The following GPRC5D variants were observed in gnomAD, a reference collection of about 807,000 sequenced individuals.
GPRC5D encodes G protein-coupled receptor class C group 5 member D.
Under a neutral mutation model 29.3 loss-of-function variants are expected in GPRC5D, and 20 were observed. The observed-to-expected ratio is 0.68, with a 90% CI of 0.48 to 0.99. The LOEUF (loss-of-function observed/expected upper bound fraction) is 0.99. Among genes scored for constraint, GPRC5D ranks in the 50% least tolerant of loss-of-function variants. The probability of loss-of-function intolerance (pLI) is 0.00; values close to 1 mark genes in which losing one functional copy is unlikely to be tolerated. For missense variants in GPRC5D, 384 were observed against 423.6 expected (o/e 0.91, Z 0.82); for synonymous variants, 178 against 171.3 (o/e 1.04, Z -0.30).
At chr12:12,942,783 CTT>C (rs1863186985) in intron 1 of GPRC5D, among the ~76,000 whole-genome samples, 2 of 152,204 alleles carry the variant, frequency 1.3e-5, no homozygotes, top group East Asian at 1.9e-4. Flanking sequence ...TATTGAAAAA[CTT>C]TATGATTTAA....
At chr12:12,942,896 G>C (rs533405150) in intron 1 of GPRC5D, among the ~76,000 whole-genome samples, 5 of 152,314 alleles carry the variant, frequency 3.3e-5, no homozygotes, top group Admixed American at 3.3e-4. Flanking sequence ...GTCAGTTCTT[G>C]CTCTCTCAGT....
intron 2 of GPRC5D, among the ~76,000 whole-genome samples, chr12:12,941,199 C>T (rs917410963): frequency 3.3e-5 from 5 of 152,216 alleles, no homozygotes; most frequent in Non-Finnish European, 7.3e-5. Context: ...GCATGAACCA[C>T]TGTGCCAGGC....
chr12:12,941,375 T>G (rs965169928), intron 2 of GPRC5D, among the ~76,000 whole-genome samples: 1 of 152,190 alleles, frequency 6.6e-6, no homozygotes, highest in Non-Finnish European at 1.5e-5. Context: ...GAAATTGAAA[T>G]GAATCCAAGA....
intron 1 of GPRC5D, chr12:12,948,689 A>C (rs1303372590): frequency 6.6e-6 from 1 of 152,342 alleles, no homozygotes; most frequent in African/African-American, 2.4e-5. Context: ...CCAGATAATT[A>C]AAATTAGCCA....
exon 1 of GPRC5D, chr12:12,950,005 G>A (rs757709471): frequency 5.0e-6 from 8 of 1,613,956 alleles, no homozygotes; most frequent in Admixed American, 1.7e-5. Context: ...CAGAATTGTC[G>A]TCCAGGAGAA....
chr12:12,942,153 C>T, intron 2 of GPRC5D, 108 bp downstream of exon 3: 1 of 779,358 alleles, frequency 1.3e-6, no homozygotes, highest in Non-Finnish European at 2.2e-6. Context: ...CCTGCTCTGT[C>T]TCTCCTCTCT....
chr12:12,949,505 G>C lies in GPRC5D; in HGVS notation c.880C>G (p.Gln294Glu), dbSNP rs757664681. The change falls in exon 1 of 3, where the codon CAG becomes GAG. Residue 294 changes from glutamine to glutamate, a missense_variant. Transcript: ENST00000228887. ...AGGAATGTACCTCTGGAGAGCTCCT[G>C]GTTCTCCACTTGGAAGCTGTGTTGG... 7 of 1,613,220 alleles carry C rather than the reference G, an allele frequency of 4.3e-6. No individual in the cohort carries two copies. In the East Asian group the frequency reaches 1.3e-4, roughly 31 times the overall value.
At chr12:12,945,136 AGGGACTAC>A (rs1252804155) in intron 1 of GPRC5D, among the ~76,000 whole-genome samples, 2 of 151,200 alleles carry the variant, frequency 1.3e-5, no homozygotes, top group Non-Finnish European at 2.9e-5. Flanking sequence ...CACAAGTAGC[AGGGACTAC>A]GGGTGCCCGA....
chr12:12,944,829 CCTTCCTTCCTTCCTTCCT>C (rs1863247909), intron 1 of GPRC5D, among the ~76,000 whole-genome samples: 7 of 9,624 alleles, frequency 7.3e-4, no homozygotes, highest in African/African-American at 1.1e-3. Context: ...TTCCTTCCTT[CCTTCCTTCCTTCCTTCCT>C]TCCTTCTTTC....
At chr12:12,944,837 C>CT (rs1565477292) in intron 1 of GPRC5D, among the ~76,000 whole-genome samples, 1 of 20,516 alleles carries the variant, frequency 4.9e-5, no homozygotes, top group African/African-American at 1.0e-4. Flanking sequence ...TTCCTTCCTT[C>CT]CTTCCTTCCT....
At chr12:12,946,080 A>T (rs1863306451) in intron 1 of GPRC5D, among the ~76,000 whole-genome samples, 1 of 152,192 alleles carries the variant, frequency 6.6e-6, no homozygotes, top group African/African-American at 2.4e-5. Context: ...CTTCCAGGGA[A>T]ATGAAATTCT....
intron 1 of GPRC5D, among the ~76,000 whole-genome samples, chr12:12,944,979 C>T (rs995891770): frequency 1.4e-5 from 2 of 145,120 alleles, no homozygotes; most frequent in East Asian, 2.0e-4. Context: ...TTTTCTTTTT[C>T]TCTCTCTCTC....
chr12:12,947,654 T>A (rs193171632), intron 1 of GPRC5D, among the ~76,000 whole-genome samples: 1 of 148,574 alleles, frequency 6.7e-6, no homozygotes, highest in Non-Finnish European at 1.5e-5. Context: ...AGCCTCAACC[T>A]CCCAGACTCA....
intron 1 of GPRC5D, among the ~76,000 whole-genome samples, chr12:12,944,821 CCTTCCTTCCTTCCT>C (rs1565477099): frequency 0.022 from 295 of 13,298 alleles, 9 homozygotes; most frequent in South Asian, 0.048. Context: ...TTCCTTCCTT[CCTTCCTTCCTTCCT>C]TCCTTCCTTC....
At chr12:12,950,291 G>A in exon 1 of GPRC5D, 2 of 1,613,358 alleles carry the variant, frequency 1.2e-6, no homozygotes, top group Admixed American at 3.3e-5. Flanking sequence ...ACGATGCCAA[G>A]TATGGCCAGG....
At chr12:12,946,355 TTC>T (rs1297836468) in intron 1 of GPRC5D, among the ~76,000 whole-genome samples, 4 of 150,610 alleles carry the variant, frequency 2.7e-5, no homozygotes, top group Non-Finnish European at 5.9e-5. Context: ...CTTTCTTTCT[TTC>T]TTTCTTTCTT....
intron 1 of GPRC5D, among the ~76,000 whole-genome samples, chr12:12,943,460 C>G (rs1863202880): frequency 6.6e-6 from 1 of 152,112 alleles, no homozygotes; most frequent in Non-Finnish European, 1.5e-5. Flanking sequence ...GGAATAATGA[C>G]AGTCATAACA....
intron 1 of GPRC5D, among the ~76,000 whole-genome samples, chr12:12,946,589 G>A (rs548842380): frequency 2.0e-5 from 3 of 151,846 alleles, no homozygotes; most frequent in South Asian, 2.1e-4. Flanking sequence ...CGAGTAGCTA[G>A]GATTACAGGC....
At position 12,944,769 on chromosome 12, in the gene GPRC5D, CTTT is replaced by C. The variant is rs1863233722; in HGVS notation, c.896-2444_896-2442del. Among the ~76,000 whole-genome samples the C allele has an allele frequency of 1.5e-4, 5 of 33,604 alleles. 2 individuals carry two copies. The highest frequency in any genetic ancestry group is 3.5e-4 in the Non-Finnish European group (3 of 8,466). 22.0% of individuals were successfully genotyped at this position (33,604 alleles called of 152,430 possible). ...CCTTCCTTCCTTCCTTTCTTCCTTC[CTTT>C]CTTCCTTCCTTCCTTCCTTCCTTCC... On this transcript the variant is annotated intron_variant, in intron 1 of 2. Coordinates refer to ENST00000228887, the Ensembl canonical transcript of GPRC5D.
Sources: gnomAD v4.1 joint callset for allele counts (sites outside exome capture counted in the v4.1 genomes callset) on GRCh38, gnomAD v4.1.1 for gene constraint, MANE v1.5 for transcripts, NCBI Gene and HGNC (gene_info 2026-07-23, HGNC 2026-07-21) for gene names.